The following GNG2 variants were observed in gnomAD, a reference collection of about 807,000 sequenced individuals.
GNG2 encodes the protein G protein subunit gamma 2.
In GNG2, 5 loss-of-function variants were observed where a neutral mutation model predicts 5.5. The observed-to-expected ratio is 0.91, with a 90% confidence interval of 0.48 to 1.92. The LOEUF (loss-of-function observed/expected upper bound fraction) is 1.92, where lower values mean the gene tolerates loss of function less well. Ranked by LOEUF, GNG2 falls within the 30% of genes most tolerant of loss-of-function variation. The pLI, the probability that GNG2 is intolerant of heterozygous loss-of-function variation, is 0.01. For missense variants in GNG2, 55 were observed against 88.4 expected (o/e 0.62, Z 1.52); for synonymous variants, 28 against 32.0 (o/e 0.88, Z 0.42).
In GNG2 at chr14:51,965,795, G is replaced by A. The variant is rs573827728; in HGVS notation, c.88-764G>A. ...GTCACGACTACAAAATGATAATAAT[G>A]GCTAGCCTGTGTGGAAAGCTTGCTA... On this transcript the variant is annotated intron_variant, in intron 3 of 3. Transcript: ENST00000556766. 3.3e-5 allele frequency among the ~76,000 whole-genome samples: 5 copies of A among 152,058 alleles called. No individual in the cohort carries two copies. The South Asian group carries it at 1.0e-3, about 32-fold the overall frequency.
chr14:51,938,087 T>A (rs1339020895), intron 2 of GNG2, among the ~76,000 whole-genome samples: 1 of 152,230 alleles, frequency 6.6e-6, no homozygotes, highest in Non-Finnish European at 1.5e-5. Flanking sequence ...GTCACACACA[T>A]TAAGCACGCA....
intron 2 of GNG2, among the ~76,000 whole-genome samples, chr14:51,895,611 A>C (rs553426943): frequency 6.6e-6 from 1 of 152,342 alleles, no homozygotes; most frequent in South Asian, 2.1e-4. Flanking sequence ...AAATGAAACA[A>C]CATCTGCAGC....
At chr14:51,880,973 A>AC (rs1426363504) in intron 2 of GNG2, among the ~76,000 whole-genome samples, 3 of 149,980 alleles carry the variant, frequency 2.0e-5, no homozygotes, top group African/African-American at 7.4e-5. Context: ...AAAAGAAAAA[A>AC]AAAAAAAAAA....
chr14:51,952,042 A>G, intron 3 of GNG2: 1 of 615,752 alleles, frequency 1.6e-6, no homozygotes, highest in Non-Finnish European at 2.9e-6. Flanking sequence ...AGTATTTTTT[A>G]AAAAGAATTT....
intron 2 of GNG2, among the ~76,000 whole-genome samples, chr14:51,941,076 G>A (rs147130509): frequency 6.6e-6 from 1 of 151,794 alleles, no homozygotes; most frequent in Admixed American, 6.6e-5. Flanking sequence ...TCATTTAGTA[G>A]TATATAATAT....
intron 2 of GNG2, among the ~76,000 whole-genome samples, chr14:51,845,367 C>T (rs1227488915): frequency 6.6e-6 from 1 of 152,144 alleles, no homozygotes; most frequent in Non-Finnish European, 1.5e-5. Flanking sequence ...TGGTGCGCAT[C>T]TGTGTGGTCC....
chr14:51,828,166 G>A (rs1881079378), intron 2 of GNG2, among the ~76,000 whole-genome samples: 1 of 152,216 alleles, frequency 6.6e-6, no homozygotes, highest in Non-Finnish European at 1.5e-5. Flanking sequence ...GTCACTGTGT[G>A]GTGAAAGCCA....
chr14:51,920,395 GTAAA>G lies in GNG2; in HGVS notation c.-29-30252_-29-30249del, dbSNP rs532596436. ...AATTATAATACCTAATACAATATAA[GTAAA>G]TAGTTATTATACTATATTTTTAGAA... On this transcript the variant is annotated intron_variant, in intron 2 of 3. Coordinates refer to ENST00000556766, the MANE Select transcript of GNG2 (RefSeq NM_053064.5). 2.5e-3 allele frequency among the ~76,000 whole-genome samples: 373 copies of G among 150,838 alleles called. 5 individuals are homozygous for G. Among genetic ancestry groups the G allele is most frequent in the African/African-American group, 7.6e-3 (315 of 41,182 alleles).
At chr14:51,844,525 G>T (rs895849800) in intron 2 of GNG2, among the ~76,000 whole-genome samples, 1 of 152,180 alleles carries the variant, frequency 6.6e-6, no homozygotes, top group South Asian at 2.1e-4. Context: ...GTGTGTGTGT[G>T]TGTGGGTGGA....
intron 2 of GNG2, among the ~76,000 whole-genome samples, chr14:51,887,718 C>A (rs952825622): frequency 2.6e-5 from 4 of 152,122 alleles, no homozygotes; most frequent in Admixed American, 2.6e-4. Flanking sequence ...CTGACTGTGA[C>A]CACCTTGGCA....
chr14:51,922,804 T>C (rs1204629857), intron 2 of GNG2, among the ~76,000 whole-genome samples: 1 of 152,140 alleles, frequency 6.6e-6, no homozygotes, highest in Non-Finnish European at 1.5e-5. Context: ...TTTGCTGGTA[T>C]GTGTTTCCTG....
intron 2 of GNG2, among the ~76,000 whole-genome samples, chr14:51,902,814 G>T (rs971970900): frequency 1.3e-5 from 2 of 152,134 alleles, no homozygotes; most frequent in Non-Finnish European, 2.9e-5. Flanking sequence ...TTTGAGTCTG[G>T]CAGGTCGAGG....
chr14:51,890,247 A>G (rs979911757), intron 2 of GNG2, among the ~76,000 whole-genome samples: 1 of 152,232 alleles, frequency 6.6e-6, no homozygotes, highest in Admixed American at 6.5e-5. Context: ...ACATTGTAAT[A>G]TCTGGAAATA....
At chr14:51,852,050 G>C (rs1015802282) in intron 2 of GNG2, among the ~76,000 whole-genome samples, 2 of 152,058 alleles carry the variant, frequency 1.3e-5, no homozygotes, top group African/African-American at 4.8e-5. Flanking sequence ...GAGGGTGTAC[G>C]TAAATATTTT....
intron 2 of GNG2, among the ~76,000 whole-genome samples, chr14:51,900,999 A>T (rs1013868143): frequency 6.6e-6 from 1 of 152,206 alleles, no homozygotes; most frequent in African/African-American, 2.4e-5. Flanking sequence ...ACCATCTAAA[A>T]TATTTGAGAA....
chr14:51,896,391 T>C (rs912172247), intron 2 of GNG2, among the ~76,000 whole-genome samples: 1 of 152,240 alleles, frequency 6.6e-6, no homozygotes, highest in Non-Finnish European at 1.5e-5. Flanking sequence ...GTTAAGTGAC[T>C]TGCTTTGTTA....
chr14:51,932,271 A>AAAAAAAAAAAAAG lies in GNG2; in HGVS notation c.-29-18378_-29-18377insAAAAAAAAAAAGA, dbSNP rs60014306. ...CAAAAAAAAAAAAAAAAAAAAAAAA[A>AAAAAAAAAAAAAG]AGAAAAGAAAATATGGTATATATGC... On this transcript the variant is annotated intron_variant, in intron 2 of 3. Transcript: ENST00000556766. Among the ~76,000 whole-genome samples the AAAAAAAAAAAAAG allele has an allele frequency of 1.6e-4, 15 of 96,340 alleles. 1 individual carries two copies. Among genetic ancestry groups the AAAAAAAAAAAAAG allele is most frequent in the Non-Finnish European group, 2.3e-4 (11 of 48,790 alleles). The allele number at this position is 96,340 out of a possible 152,430, so 63.2% of individuals were successfully genotyped here. A position where few individuals can be genotyped will look rare whatever the true frequency, so the allele number is the denominator to read the frequency against.
intron 2 of GNG2, among the ~76,000 whole-genome samples, chr14:51,850,047 C>T (rs539511035): frequency 1.9e-4 from 29 of 152,140 alleles, no homozygotes; most frequent in Non-Finnish European, 3.5e-4. Flanking sequence ...AAAGTTGTTC[C>T]TCCCAACCCA....
In GNG2 at chr14:51,950,814, A is replaced by C. The variant is rs756485867; in HGVS notation, c.87+49A>C. ...TTCATCTAGCGTGAGTCTAAGGCGC[A>C]TGTCATGTGACCACTCTTTCCTAGA... On this transcript the variant is annotated intron_variant, in intron 3 of 3. Transcript: ENST00000556766. 2.7e-6 allele frequency: 3 copies of C among 1,118,090 alleles called. No homozygotes were observed. In the African/African-American group the frequency reaches 4.8e-5, roughly 18 times the overall value. The allele number at this position is 1,118,090 out of a possible 1,614,324, so 69.3% of individuals were successfully genotyped here.
Sources: allele counts gnomAD v4.1 joint callset (sites outside exome capture counted in the v4.1 genomes callset), GRCh38; gene constraint gnomAD v4.1.1; transcripts MANE v1.5; gene names NCBI Gene and HGNC (gene_info 2026-07-23, HGNC 2026-07-21).